DLC1: variants seen among roughly 807,000 people sequenced by gnomAD.
The protein encoded by DLC1 is rho GTPase-activating protein 7.
A neutral mutation model predicts 140.3 loss-of-function variants in DLC1; 54 were observed. The ratio of observed to expected loss-of-function variants is 0.38; its 90% CI spans 0.31 to 0.48. The LOEUF (loss-of-function observed/expected upper bound fraction) is 0.48, where lower values mean the gene tolerates loss of function less well. Ranked by LOEUF, DLC1 falls within the 20% of genes least tolerant of loss-of-function variation. The probability of loss-of-function intolerance (pLI) is 0.96; values close to 1 mark genes in which losing one functional copy is unlikely to be tolerated. For synonymous variants in DLC1, 986 were observed against 728.1 expected (o/e 1.35, Z -5.70); for missense variants, 2,536 against 1,907.0 (o/e 1.33, Z -6.14).
At chr8:13,248,484 T>C (rs1829859808) in intron 5 of DLC1, among the ~76,000 whole-genome samples, 1 of 152,144 alleles carries the variant, frequency 6.6e-6, no homozygotes, top group African/African-American at 2.4e-5. Context: ...GTCAATCCAA[T>C]CCCCAGTTAC....
At chr8:13,460,644 G>C (rs998209053) in intron 2 of DLC1, among the ~76,000 whole-genome samples, 1 of 152,178 alleles carries the variant, frequency 6.6e-6, no homozygotes, top group Non-Finnish European at 1.5e-5. Flanking sequence ...TACTCTGGGG[G>C]GAAATGATGG....
chr8:13,361,762 G>A (rs544586775), intron 4 of DLC1, among the ~76,000 whole-genome samples: 3 of 152,256 alleles, frequency 2.0e-5, no homozygotes, highest in Admixed American at 1.3e-4. Context: ...GTAAGAAAAA[G>A]TAGAATCAAG....
chr8:13,560,049 A>G, intron 1 of DLC1, among the ~76,000 whole-genome samples: 1 of 152,210 alleles, frequency 6.6e-6, no homozygotes, highest in South Asian at 2.1e-4. Context: ...TTTCCAAGAC[A>G]AAGTAGCAAA....
chr8:13,343,729 G>A lies in DLC1; in HGVS notation c.1315-38427C>T, dbSNP rs758807760. ...CTGTCCTCTTTTCCTACACTGGATC[G>A]CCTCTTGGTTAAAGTCAGCACTCTA... On this transcript the variant is annotated intron_variant, in intron 4 of 17. Coordinates refer to ENST00000276297, the MANE Select transcript of DLC1 (RefSeq NM_182643.3). Among the ~76,000 whole-genome samples the A allele has an allele frequency of 6.6e-5, 10 of 152,008 alleles. No homozygotes were observed. The East Asian group carries it at 7.7e-4, about 12-fold the overall frequency.
At chr8:13,403,586 G>C (rs1837391052) in intron 2 of DLC1, among the ~76,000 whole-genome samples, 3 of 152,128 alleles carry the variant, frequency 2.0e-5, no homozygotes, top group Admixed American at 2.0e-4. Flanking sequence ...AAGCAAAGGA[G>C]TGGTTTAGTA....
At chr8:13,593,459 T>C (rs1805586323) in intron 1 of DLC1, among the ~76,000 whole-genome samples, 2 of 152,146 alleles carry the variant, frequency 1.3e-5, no homozygotes, top group Non-Finnish European at 1.5e-5. Flanking sequence ...GTGTTACTTC[T>C]AGATGAAATC....
At chr8:13,248,077 T>A (rs1008387571) in intron 5 of DLC1, among the ~76,000 whole-genome samples, 1 of 152,200 alleles carries the variant, frequency 6.6e-6, no homozygotes, top group African/African-American at 2.4e-5. Flanking sequence ...AGGCACCTGG[T>A]TAGTCTCAGT....
At position 13,461,996 on chromosome 8, in the gene DLC1, C is replaced by T. The variant is rs141319249; in HGVS notation, c.1023+37053G>A. On this transcript the variant is annotated intron_variant, in intron 2 of 17. Transcript: ENST00000276297. ...CTCAGCAGTAGTGGAGAGAAAGCCC[C>T]GTTTTACGATCTTTCTTCTTGTTCC... Among the ~76,000 whole-genome samples, 760 of 152,182 alleles carry T rather than the reference C, an allele frequency of 5.0e-3. 6 individuals are homozygous for T. The highest frequency in any genetic ancestry group is 0.018 in the African/African-American group (731 of 41,524).
chr8:13,263,872 T>C (rs1830570613), intron 5 of DLC1, among the ~76,000 whole-genome samples: 1 of 151,754 alleles, frequency 6.6e-6, no homozygotes. Context: ...CATCTTTAGA[T>C]GAGTTACTCT....
chr8:13,476,036 A>T (rs1800420081), intron 2 of DLC1, among the ~76,000 whole-genome samples: 1 of 152,214 alleles, frequency 6.6e-6, no homozygotes, highest in Admixed American at 6.5e-5. Context: ...GCATAGGAGA[A>T]GTAAGTAGGT....
intron 5 of DLC1, among the ~76,000 whole-genome samples, chr8:13,147,617 C>T (rs1489093607): frequency 6.6e-6 from 1 of 152,138 alleles, no homozygotes; most frequent in Non-Finnish European, 1.5e-5. Flanking sequence ...TACTGTCCAG[C>T]ATGCTCTGAG....
chr8:13,503,884 A>G (rs992243846), intron 1 of DLC1, among the ~76,000 whole-genome samples: 89 of 152,302 alleles, frequency 5.8e-4, no homozygotes, highest in African/African-American at 2.0e-3. Flanking sequence ...GTAAATATCT[A>G]TCTATCTGTG....
Position 13,546,804 on chromosome 8 carries a change from A to G in DLC1, c.-125-46608T>C, listed in dbSNP as rs192228761. On this transcript the variant is annotated intron_variant, in intron 1 of 1. Transcript: ENST00000631382. ...ATTTAGACTTCTTTCTATTTTCTGT[A>G]TTTCACTCATCAATCACGGTTTCTG... 2.2e-4 allele frequency among the ~76,000 whole-genome samples: 34 copies of G among 152,154 alleles called. No homozygotes were observed. The South Asian group carries it at 5.2e-3, about 23-fold the overall frequency.
chr8:13,290,690 A>G (rs1831722945), intron 5 of DLC1, among the ~76,000 whole-genome samples: 1 of 152,166 alleles, frequency 6.6e-6, no homozygotes, highest in Non-Finnish European at 1.5e-5. Flanking sequence ...CCAATTGCTG[A>G]ATAGTGGATA....
intron 15 of DLC1, 134 bp downstream of exon 15, chr8:13,090,118 C>G: frequency 3.9e-6 from 3 of 771,492 alleles, no homozygotes; most frequent in South Asian, 3.8e-5. Context: ...TTACTCACCC[C>G]GGTGCCCAGC....
At chr8:13,167,589 G>A (rs933021255) in intron 5 of DLC1, among the ~76,000 whole-genome samples, 5 of 152,086 alleles carry the variant, frequency 3.3e-5, no homozygotes, top group African/African-American at 7.2e-5. Context: ...TACAGATCCC[G>A]GAAAGAGCAC....
At chr8:13,308,397 C>G (rs1016167906) in intron 4 of DLC1, among the ~76,000 whole-genome samples, 2 of 152,114 alleles carry the variant, frequency 1.3e-5, no homozygotes, top group Non-Finnish European at 2.9e-5. Flanking sequence ...AAGAGTAAAA[C>G]CACATAGTGA....
At chr8:13,217,579 A>T (rs978927446) in intron 5 of DLC1, among the ~76,000 whole-genome samples, 1 of 152,180 alleles carries the variant, frequency 6.6e-6, no homozygotes, top group Non-Finnish European at 1.5e-5. Context: ...TCACGCCTGA[A>T]ATCCCAGCAC....
chr8:13,233,159 G>A (rs2117207535), intron 5 of DLC1, among the ~76,000 whole-genome samples: 1 of 152,026 alleles, frequency 6.6e-6, no homozygotes, highest in Non-Finnish European at 1.5e-5. Flanking sequence ...GCTGGGTGTG[G>A]TGGTACACAC....
Sources: gnomAD v4.1 joint callset for allele counts (sites outside exome capture counted in the v4.1 genomes callset) on GRCh38, gnomAD v4.1.1 for gene constraint, MANE v1.5 for transcripts, NCBI Gene and HGNC (gene_info 2026-07-23, HGNC 2026-07-21) for gene names.